Variants in BAIAP3 observed in about 807,000 individuals in gnomAD.
BAIAP3 encodes BAI1 associated protein 3.
A neutral mutation model predicts 149.7 loss-of-function variants in BAIAP3; 180 were observed. That is an observed-to-expected ratio of 1.20 (90% confidence interval 1.07 to 1.36). The LOEUF (loss-of-function observed/expected upper bound fraction) is 1.36. Among genes scored for constraint, BAIAP3 ranks in the 40% most tolerant of loss-of-function variants. The pLI is 0.00. For synonymous variants in BAIAP3, 845 were observed against 670.7 expected, an observed-to-expected ratio of 1.26 and a Z score of -4.02; for missense variants, 1,767 against 1,563.4, an observed-to-expected ratio of 1.13 and a Z score of -2.20.
rs778801772 is a variant in BAIAP3, at chr16:1,346,387, G to A, written c.2493+26G>A. ...GTGGGTGGGGCCTGGAGACCAAGGC[G>A]TGGAGGCAGTCCCTGGTGCCCCCTG... On this transcript the variant is annotated intron_variant, in intron 25 of 33. Coordinates refer to ENST00000426824, the MANE Select transcript of BAIAP3 (RefSeq NM_001199097.2). 1.4e-5 allele frequency: 23 copies of A among 1,610,922 alleles called. 2 individuals carry two copies. The highest frequency in any genetic ancestry group is 6.6e-5 in the South Asian group (6 of 90,890).
In BAIAP3 at chr16:1,346,854, G is replaced by C; in HGVS notation, c.2650G>C (p.Glu884Gln). The C allele has an allele frequency of 1.2e-6, 2 of 1,603,240 alleles. No homozygotes were observed. The highest frequency in any genetic ancestry group is 1.7e-6 in the Non-Finnish European group (2 of 1,177,566). ...LVKGNLSRVL[E>Q]ALWELLLQAI... is the part of the protein sequence containing the mutation. ...ACTGATGCTGCCCTGCAGGGTGCTG[G>C]AGGCCCTGTGGGAGCTACTCCTCCA... is the stretch of plus-strand genomic sequence containing the variant. Residue 884 changes from glutamate to glutamine, a missense_variant, in exon 28 of 34, where the codon GAG (glutamate) becomes CAG (glutamine). Coordinates refer to ENST00000426824, the MANE Select transcript of BAIAP3 (RefSeq NM_001199097.2).
intron 1 of BAIAP3, chr16:1,334,664 G>C: frequency 6.4e-7 from 1 of 1,551,060 alleles, no homozygotes; most frequent in Non-Finnish European, 8.7e-7. Context: ...CGACTGGAAT[G>C]AGACCCCGGG....
At chr16:1,343,564 G>C in intron 15 of BAIAP3, 51 bp downstream of exon 15, 1 of 1,593,448 alleles carries the variant, frequency 6.3e-7, no homozygotes, top group Non-Finnish European at 8.5e-7. Flanking sequence ...GAGTGCTGGG[G>C]ACTGGGGTCG....
At chr16:1,344,414 C>A in intron 17 of BAIAP3, 55 bp from the exon 18 acceptor site, 1 of 1,611,474 alleles carries the variant, frequency 6.2e-7, no homozygotes, top group Non-Finnish European at 8.5e-7. Flanking sequence ...GTCTCTTGCC[C>A]ACCTCTTCCT....
chr16:1,337,669 GGCTGCTGCT>G (rs377475253), intron 1 of BAIAP3, among the ~76,000 whole-genome samples: 113 of 152,248 alleles, frequency 7.4e-4, no homozygotes, highest in Non-Finnish European at 1.3e-3. Context: ...GTGACATCTG[GGCTGCTGCT>G]GCTGCTGCTG....
Position 1,347,196 on chromosome 16 carries a change from T to G in BAIAP3, c.2752-102T>G, listed in dbSNP as rs957188295. ...GAGAAAGGGCTCTGCCCTTGGCTGC[T>G]GAGCCCCCAGTGCTGCCTGGGCCCC... On this transcript the variant is annotated intron_variant, in intron 28 of 33. Transcript: ENST00000426824. 1.5e-5 allele frequency: 18 copies of G among 1,236,326 alleles called. No homozygotes were observed. The Admixed American group carries it at 3.8e-4, about 26-fold the overall frequency. The allele number at this position is 1,236,326 out of a possible 1,614,324, so 76.6% of individuals were successfully genotyped here.
intron 28 of BAIAP3, 38 bp downstream of exon 28, chr16:1,346,993 G>T: frequency 1.3e-6 from 2 of 1,543,750 alleles, no homozygotes. Context: ...GCCGGCCCCC[G>T]CCTCAGGGCT....
rs116638073 is a variant in BAIAP3, at chr16:1,348,505, C to T, written c.*23C>T. ...TGAGTCCATCAGCTGCCAGCCCCGGCCCTGGCCCCCACCCCAAGTTCCCTG... is the reference window on the plus strand; with the variant it reads ...TGAGTCCATCAGCTGCCAGCCCCGGTCCTGGCCCCCACCCCAAGTTCCCTG... On this transcript the variant is annotated 3_prime_UTR_variant, in exon 34 of 34. Coordinates refer to ENST00000426824, the MANE Select transcript of BAIAP3 (RefSeq NM_001199097.2). 1.2e-3 allele frequency: 1,891 copies of T among 1,582,904 alleles called. 29 individuals carry two copies. In the African/African-American group the frequency reaches 0.023, roughly 19 times the overall value.
At chr16:1,342,328 TGG>T (rs1462316039) in intron 11 of BAIAP3, 45 bp downstream of exon 11, 1 of 1,584,488 alleles carries the variant, frequency 6.3e-7, no homozygotes. Flanking sequence ...GAGAAGGGCC[TGG>T]GGAGTGTCCC....
rs1435704981 is a variant in BAIAP3, at chr16:1,348,647, C to T, written c.*165C>T. ...GCGGCGCCTACCGCCCTGGCCGTGT[C>T]TGTCTGGTGTGTGCTGTGAACCCCT... On this transcript the variant is annotated 3_prime_UTR_variant, in exon 34 of 34. Transcript: ENST00000426824. 1 of 697,606 alleles carries T rather than the reference C, an allele frequency of 1.4e-6. No homozygotes were observed. Among genetic ancestry groups the T allele is most frequent in the Admixed American group, 2.5e-5 (1 of 39,578 alleles). The allele number at this position is 697,606 out of a possible 1,614,324, so 43.2% of individuals were successfully genotyped here. A position where few individuals can be genotyped will look rare whatever the true frequency, so the allele number is the denominator to read the frequency against.
chr16:1,335,858 C>T (rs1201439355), intron 1 of BAIAP3, among the ~76,000 whole-genome samples: 17 of 152,128 alleles, frequency 1.1e-4, no homozygotes, highest in Admixed American at 9.2e-4. Flanking sequence ...CCTTGACTGC[C>T]GTCCCCAGCC....
At chr16:1,336,831 C>T (rs565785685) in intron 1 of BAIAP3, among the ~76,000 whole-genome samples, 4 of 152,298 alleles carry the variant, frequency 2.6e-5, no homozygotes, top group Admixed American at 1.3e-4. Flanking sequence ...ATGCCCTTTG[C>T]GAGGGCCAGT....
Position 1,344,470 on chromosome 16 carries a change from G to C in BAIAP3, c.1604G>C (p.Arg535Thr), listed in dbSNP as rs1231424002. ...CTGTCTTGGTGGTGTCTGTTGCAGA[G>C]AGGCAACCGTGAGTGGTACGACAGG... ...LNMDIAAALK[R>T]GNREWYDRIL... The change falls in exon 18 of 34, where the codon AGA (arginine) becomes ACA (threonine). Residue 535 changes from arginine (R) to threonine (T), a missense_variant and splice_region_variant. Coordinates refer to ENST00000426824, the MANE Select transcript of BAIAP3 (RefSeq NM_001199097.2). 18 of 1,613,402 alleles carry C rather than the reference G, an allele frequency of 1.1e-5. No homozygotes were observed. Among genetic ancestry groups the C allele is most frequent in the Admixed American group, 1.0e-4 (6 of 59,990 alleles).
At chr16:1,338,473 C>CCCCCGGGGGGGGGGCCCGGGGGGGG in intron 1 of BAIAP3, 67 bp from the exon 2 acceptor site, 1 of 1,091,546 alleles carries the variant, frequency 9.2e-7, no homozygotes, top group Non-Finnish European at 1.2e-6. Flanking sequence ...CCCACCCCCC[C>CCCCCGGGGGGGGGGCCCGGGGGGGG]GCCTGCTGTG....
Position 1,346,268 on chromosome 16 carries a change from G to A in BAIAP3, c.2400G>A (p.Gly800=). The A allele has an allele frequency of 6.2e-7, 1 of 1,610,282 alleles. No homozygotes were observed. ...AWPEGATGPE[G]VLPRPLLSCT... ...CAGAGGGGGCCACGGGGCCCGAGGG[G>A]GTGCTCCCCCGCCCTCTGCTCAGCT... is the stretch of plus-strand genomic sequence containing the variant. Residue 800 remains glycine (G), a synonymous_variant, in exon 25 of 34, where the codon GGG becomes GGA. Coordinates refer to ENST00000426824, the MANE Select transcript of BAIAP3 (RefSeq NM_001199097.2).
In BAIAP3 at chr16:1,347,956, A is replaced by G. The variant is rs773598966; in HGVS notation, c.3088A>G (p.Ser1030Gly). Reference sequence around the variant, plus strand: ...ACCGCATCTCTTTCCACTGGTCCGCAGCCAGAGGACCCAGGTGAAGACCCG... The same window carrying G: ...ACCGCATCTCTTTCCACTGGTCCGCGGCCAGAGGACCCAGGTGAAGACCCG... ...GPPHLFPLVR[S>G]QRTQVKTRTL... The change falls in exon 32 of 34, where the codon AGC becomes GGC. Residue 1030 changes from serine to glycine, a missense_variant. By Grantham distance (56) the Ser-to-Gly change is moderately conservative. Transcript: ENST00000426824. 5.6e-6 allele frequency: 9 copies of G among 1,612,006 alleles called. No individual in the cohort carries two copies. The African/African-American group carries it at 1.2e-4, about 21-fold the overall frequency.
At chr16:1,343,576 T>C (rs2034086845) in intron 15 of BAIAP3, 63 bp downstream of exon 15, 13 of 1,575,958 alleles carry the variant, frequency 8.2e-6, no homozygotes, top group Non-Finnish European at 1.0e-5. Flanking sequence ...CTGGGGTCGC[T>C]CAGTGCCGGT....
Position 1,346,436 on chromosome 16 carries a change from C to T in BAIAP3, c.2494-6C>T, listed in dbSNP as rs769332580. ...TGCCCGTGCTGAGCACTGCTCCTGC[C>T]CTCAGATGGTGGGCGACATCCGCAA... On this transcript the variant is annotated splice_polypyrimidine_tract_variant and splice_region_variant and intron_variant, in intron 25 of 33. Coordinates refer to ENST00000426824, the MANE Select transcript of BAIAP3 (RefSeq NM_001199097.2). 1 of 1,612,320 alleles carries T rather than the reference C, an allele frequency of 6.2e-7. No homozygotes were observed. The highest frequency in any genetic ancestry group is 1.3e-5 in the African/African-American group (1 of 75,024).
rs1338230127 is a variant in BAIAP3 at position 1,346,308 on chromosome 16, G to C, written c.2440G>C (p.Asp814His). The change falls in exon 25 of 34, where the codon GAC becomes CAC. Residue 814 changes from aspartate to histidine, a missense_variant. Coordinates refer to ENST00000426824, the MANE Select transcript of BAIAP3 (RefSeq NM_001199097.2). ...RPLLSCTQAL[D>H]DDLQREAHTV... ...TCTGCTCAGCTGCACACAGGCCCTG[G>C]ACGATGATCTGCAACGGGAGGCCCA... The C allele has an allele frequency of 6.2e-7, 1 of 1,604,832 alleles. No individual in the cohort carries two copies. The highest frequency in any genetic ancestry group is 8.5e-7 in the Non-Finnish European group (1 of 1,173,790).
Sources: allele counts gnomAD v4.1 joint callset (sites outside exome capture counted in the v4.1 genomes callset), GRCh38; gene constraint gnomAD v4.1.1; transcripts MANE v1.5; gene names NCBI Gene and HGNC (gene_info 2026-07-23, HGNC 2026-07-21).